KLF12: variants seen among roughly 807,000 people sequenced by gnomAD.
KLF12 encodes the protein Krueppel-like factor 12.
KLF12 carries 9 observed loss-of-function variants against 37.8 expected under a neutral mutation model. The observed-to-expected ratio is 0.24, with a 90% CI of 0.14 to 0.42. KLF12 has a LOEUF of 0.42. Ranked by LOEUF, KLF12 falls within the 10% of genes least tolerant of loss-of-function variation. KLF12 has a pLI of 1.00. For missense variants in KLF12, 411 were observed against 516.0 expected, an observed-to-expected ratio of 0.80 and a Z score of 1.97; for synonymous variants, 208 against 202.1, an observed-to-expected ratio of 1.03 and a Z score of -0.25.
At chr13:73,729,949 G>A (rs139556465) in intron 6 of KLF12, among the ~76,000 whole-genome samples, 6 of 152,158 alleles carry the variant, frequency 3.9e-5, no homozygotes, top group Middle Eastern at 3.4e-3. Flanking sequence ...TACGACATGT[G>A]GAAGTGTAAA....
chr13:74,084,919 T>C (rs1033015787), intron 1 of KLF12, among the ~76,000 whole-genome samples: 2 of 152,216 alleles, frequency 1.3e-5, no homozygotes, highest in Non-Finnish European at 2.9e-5. Flanking sequence ...CTTTTCATTA[T>C]AGTTTGCAGG....
chr13:74,148,536 G>C, the KLF12 span, among the ~76,000 whole-genome samples: 4 of 139,276 alleles, frequency 2.9e-5, no homozygotes, highest in Admixed American at 7.6e-5. Flanking sequence ...ATTGGCTAAG[G>C]TCAACAACAA....
Position 73,695,392 on chromosome 13 carries a change from G to A in KLF12, c.*98C>T. ...GTTTCAGACATCGTGGGATGGTGAT[G>A]CCCTTTTGTGTTAACACTGTGAAGG... On this transcript the variant is annotated 3_prime_UTR_variant, in exon 8 of 8. Coordinates refer to ENST00000377669, the MANE Select transcript of KLF12 (RefSeq NM_007249.5). 8.8e-7 allele frequency: 1 copy of A among 1,142,510 alleles called. No homozygotes were observed. 70.8% of individuals were successfully genotyped at this position (1,142,510 alleles called of 1,614,324 possible).
At chr13:73,828,820 C>T (rs145518632) in intron 4 of KLF12, among the ~76,000 whole-genome samples, 1 of 152,306 alleles carries the variant, frequency 6.6e-6, no homozygotes, top group East Asian at 1.9e-4. Context: ...AAGTACTTTT[C>T]ATTTGAACAA....
intron 3 of KLF12, among the ~76,000 whole-genome samples, chr13:73,875,315 AT>A (rs1886654145): frequency 6.6e-6 from 1 of 152,066 alleles, no homozygotes. Flanking sequence ...CTGCAAATTT[AT>A]TTTCATTACG....
chr13:73,752,445 T>C (rs530413525), intron 6 of KLF12, among the ~76,000 whole-genome samples: 215 of 151,832 alleles, frequency 1.4e-3, no homozygotes, highest in Non-Finnish European at 2.5e-3. Context: ...GTGGTAACTA[T>C]CATTTATATG....
intron 2 of KLF12, among the ~76,000 whole-genome samples, chr13:73,945,877 G>A (rs951324297): frequency 9.9e-5 from 15 of 152,120 alleles, no homozygotes; most frequent in Admixed American, 3.9e-4. Flanking sequence ...AAGGAACTGT[G>A]GTATATTACT....
At chr13:73,835,027 T>C (rs1884356569) in intron 4 of KLF12, among the ~76,000 whole-genome samples, 1 of 151,440 alleles carries the variant, frequency 6.6e-6, no homozygotes, top group Admixed American at 6.6e-5. Context: ...CATGCAAATG[T>C]ATAGGATGGG....
At chr13:73,786,794 G>T (rs910682474) in intron 5 of KLF12, among the ~76,000 whole-genome samples, 26 of 150,560 alleles carry the variant, frequency 1.7e-4, no homozygotes, top group African/African-American at 5.4e-4. Context: ...GCATGGTGGC[G>T]TGCACCTGTA....
chr13:74,113,081 T>A (rs1877075612), intron 1 of KLF12, among the ~76,000 whole-genome samples: 1 of 152,166 alleles, frequency 6.6e-6, no homozygotes, highest in Non-Finnish European at 1.5e-5. Flanking sequence ...CTAACTCTCT[T>A]TAATTTTGCA....
intron 1 of KLF12, among the ~76,000 whole-genome samples, chr13:74,063,142 C>T (rs1873709302): frequency 6.6e-6 from 1 of 152,210 alleles, no homozygotes; most frequent in African/African-American, 2.4e-5. Flanking sequence ...GGCTTGATGA[C>T]TTCACTAGTT....
chr13:73,844,080 A>G (rs544381880), intron 4 of KLF12, among the ~76,000 whole-genome samples: 78 of 152,266 alleles, frequency 5.1e-4, no homozygotes, highest in African/African-American at 1.8e-3. Flanking sequence ...AAAGATCATG[A>G]GCAACATTAA....
At chr13:73,779,206 C>T (rs1227503579) in intron 5 of KLF12, among the ~76,000 whole-genome samples, 1 of 152,048 alleles carries the variant, frequency 6.6e-6, no homozygotes, top group South Asian at 2.1e-4. Flanking sequence ...TTTGACCATG[C>T]CTTGGTTTAT....
At chr13:73,844,838 A>G (rs1409665675) in intron 4 of KLF12, 1 of 152,214 alleles carries the variant, frequency 6.6e-6, no homozygotes, top group Non-Finnish European at 1.5e-5. Flanking sequence ...GTAATACAAC[A>G]TAAATCTTAA....
At chr13:74,060,484 TTGTGTGTGTGTGTGTGTGTGTGTG>T (rs60242793) in intron 1 of KLF12, among the ~76,000 whole-genome samples, 1 of 108,598 alleles carries the variant, frequency 9.2e-6, no homozygotes, top group African/African-American at 3.7e-5. Context: ...TACCTAGGTT[TTGTGTGTGTGTGTGTGTGTGTGTG>T]TGTGTGTGTG....
chr13:73,966,753 C>T (rs1891180849), intron 2 of KLF12, among the ~76,000 whole-genome samples: 2 of 152,292 alleles, frequency 1.3e-5, no homozygotes, highest in African/African-American at 4.8e-5. Context: ...AACCCAATGA[C>T]ACTGAATTTA....
At chr13:73,881,695 G>C (rs1267414072) in intron 3 of KLF12, among the ~76,000 whole-genome samples, 1 of 151,946 alleles carries the variant, frequency 6.6e-6, no homozygotes, top group East Asian at 1.9e-4. Flanking sequence ...TTGTTTATCA[G>C]ATAGAGCTAA....
At chr13:74,268,435 A>G in the KLF12 span, among the ~76,000 whole-genome samples, 8 of 152,230 alleles carry the variant, frequency 5.3e-5, no homozygotes, top group African/African-American at 1.9e-4. Flanking sequence ...ATGTCGTCCA[A>G]CATTTCTCTG....
the KLF12 span, among the ~76,000 whole-genome samples, chr13:74,293,695 A>T: frequency 6.6e-6 from 1 of 152,224 alleles, no homozygotes; most frequent in African/African-American, 2.4e-5. Context: ...CGAGCAGTTC[A>T]AATGCCACCT....
Sources: allele counts gnomAD v4.1 joint callset (sites outside exome capture counted in the v4.1 genomes callset), GRCh38; gene constraint gnomAD v4.1.1; transcripts MANE v1.5; gene names NCBI Gene and HGNC (gene_info 2026-07-23, HGNC 2026-07-21).